Variants in NRG1 observed in about 807,000 individuals in gnomAD.
The protein encoded by NRG1 is pro-neuregulin-1, membrane-bound isoform.
A neutral mutation model predicts 63.8 loss-of-function variants in NRG1; 18 were observed. That is an observed-to-expected ratio of 0.28 (90% CI 0.19 to 0.42). The LOEUF is 0.42. Ranked by LOEUF, NRG1 falls within the 10% of genes least tolerant of loss-of-function variation. The pLI is 1.00. For synonymous variants in NRG1, 302 were observed against 301.3 expected, an observed-to-expected ratio of 1.00 and a Z score of -0.02; for missense variants, 762 against 814.7, an observed-to-expected ratio of 0.94 and a Z score of 0.79.
chr8:32,130,464 G>T (rs1240940276), intron 1 of NRG1, among the ~76,000 whole-genome samples: 1 of 151,714 alleles, frequency 6.6e-6, no homozygotes, highest in Non-Finnish European at 1.5e-5. Flanking sequence ...ACTTACTAAT[G>T]TTCATTGGAA....
chr8:31,748,611 C>G (rs1197578510), intron 1 of NRG1, among the ~76,000 whole-genome samples: 1 of 151,904 alleles, frequency 6.6e-6, no homozygotes, highest in Non-Finnish European at 1.5e-5. Context: ...GACCTAGATA[C>G]AGACAACAGG....
exon 1 of NRG1, chr8:32,548,778 C>G (rs778722814): frequency 6.3e-7 from 1 of 1,589,934 alleles, no homozygotes; most frequent in Non-Finnish European, 8.5e-7. Flanking sequence ...GAAGAAGGAG[C>G]GAGGCTCCGG....
intron 5 of NRG1, among the ~76,000 whole-genome samples, chr8:32,629,175 G>T (rs558808567): frequency 6.6e-6 from 1 of 152,254 alleles, no homozygotes; most frequent in Admixed American, 6.5e-5. Context: ...TATAAAAAAT[G>T]TTCTTTGTCC....
intron 1 of NRG1, among the ~76,000 whole-genome samples, chr8:32,218,123 G>A (rs968318009): frequency 2.0e-5 from 3 of 152,176 alleles, no homozygotes; most frequent in Non-Finnish European, 4.4e-5. Context: ...GATCATGCTT[G>A]AGAAACCTAA....
intron 5 of NRG1, among the ~76,000 whole-genome samples, chr8:32,640,857 A>T (rs368801682): frequency 4.6e-5 from 7 of 151,994 alleles, no homozygotes; most frequent in African/African-American, 1.7e-4. Context: ...GCACTTTGGG[A>T]GGCTGTGGTG....
At chr8:32,160,946 A>G (rs192732317) in intron 1 of NRG1, among the ~76,000 whole-genome samples, 1 of 152,298 alleles carries the variant, frequency 6.6e-6, no homozygotes, top group African/African-American at 2.4e-5. Context: ...TTGAATACCT[A>G]CACTCTACTA....
chr8:32,363,391 T>C (rs748714253), intron 1 of NRG1, among the ~76,000 whole-genome samples: 18 of 152,206 alleles, frequency 1.2e-4, no homozygotes, highest in Non-Finnish European at 2.6e-4. Flanking sequence ...TGATAACTCA[T>C]ACCTGAAGAA....
At chr8:32,101,233 G>A (rs1265224722) in intron 1 of NRG1, among the ~76,000 whole-genome samples, 3 of 152,094 alleles carry the variant, frequency 2.0e-5, no homozygotes, top group Admixed American at 6.6e-5. Context: ...TGGGATGTAA[G>A]TGATTCTGAG....
downstream of NRG1, among the ~76,000 whole-genome samples, chr8:32,771,276 ATTTTTTTTTTTTTTT>A (rs553989637): frequency 3.0e-4 from 28 of 92,754 alleles, 1 homozygote; most frequent in Non-Finnish European, 4.3e-4. Flanking sequence ...ATGCCCAGCG[ATTTTTTTTTTTTTTT>A]TTTTTTTTTT....
Position 32,044,929 on chromosome 8 carries a change from AAAC to A in NRG1, c.37+405500_37+405502del, listed in dbSNP as rs1319010727. 6.3e-5 allele frequency among the ~76,000 whole-genome samples: 9 copies of A among 143,632 alleles called. No individual in the cohort carries two copies. The East Asian group carries it at 1.3e-3, about 20-fold the overall frequency. The allele number at this position is 143,632 out of a possible 152,430, so 94.2% of individuals were successfully genotyped here. ...AAAGAAAAGCAAAAAAAAAAAAAAA[AAAC>A]ACACACACACAAAGCAATCAGAAGT... is the stretch of plus-strand genomic sequence containing the variant. On this transcript the variant is annotated intron_variant, in intron 1 of 10. Transcript: ENST00000519301.
intron 1 of NRG1, among the ~76,000 whole-genome samples, chr8:32,050,303 G>A (rs905291108): frequency 2.0e-5 from 3 of 152,068 alleles, no homozygotes; most frequent in African/African-American, 7.2e-5. Context: ...AGGTAACATC[G>A]TGTCTGACTT....
chr8:32,381,623 T>C (rs1334843088), intron 1 of NRG1, among the ~76,000 whole-genome samples: 1 of 152,180 alleles, frequency 6.6e-6, no homozygotes, highest in Non-Finnish European at 1.5e-5. Context: ...CCTTTTAAAA[T>C]TATATTTAAG....
At position 31,908,466 on chromosome 8, in the gene NRG1, C is replaced by T. The variant is rs972243549; in HGVS notation, c.37+269035C>T. Among the ~76,000 whole-genome samples, 22 of 152,238 alleles carry T rather than the reference C, an allele frequency of 1.4e-4. 1 individual carries two copies. The highest frequency in any genetic ancestry group is 1.0e-3 in the Admixed American group (16 of 15,282). On this transcript the variant is annotated intron_variant, in intron 1 of 10. Coordinates refer to the NRG1 transcript ENST00000519301. ...GTGGTTTGTGGGTAGAAGGGGCCTTCGGGTATGTGCGGCAACCTTGTCACC... is the reference window on the plus strand; with the variant it reads ...GTGGTTTGTGGGTAGAAGGGGCCTTTGGGTATGTGCGGCAACCTTGTCACC...
intron 1 of NRG1, among the ~76,000 whole-genome samples, chr8:32,281,818 C>G (rs1322012437): frequency 6.6e-6 from 1 of 151,864 alleles, no homozygotes; most frequent in Non-Finnish European, 1.5e-5. Flanking sequence ...CCCCCCATCT[C>G]TTTTAAAAAA....
intron 1 of NRG1, among the ~76,000 whole-genome samples, chr8:31,890,182 C>A (rs1831039465): frequency 6.6e-6 from 1 of 152,132 alleles, no homozygotes. Context: ...TTGCAGCATA[C>A]TCTGGAGGAC....
intron 1 of NRG1, among the ~76,000 whole-genome samples, chr8:31,932,050 G>T (rs1834908599): frequency 6.6e-6 from 1 of 152,040 alleles, no homozygotes; most frequent in Non-Finnish European, 1.5e-5. Flanking sequence ...ACCCAAATAG[G>T]TCCTTAAAAA....
intron 1 of NRG1, among the ~76,000 whole-genome samples, chr8:32,476,990 GCAAATGCC>G (rs1477069803): frequency 6.6e-6 from 1 of 152,162 alleles, no homozygotes; most frequent in Non-Finnish European, 1.5e-5. Flanking sequence ...CTGGGAGGCA[GCAAATGCC>G]CAAATGGAAG....
intron 1 of NRG1, among the ~76,000 whole-genome samples, chr8:32,000,269 A>C (rs550200124): frequency 4.3e-4 from 66 of 152,098 alleles, no homozygotes; most frequent in African/African-American, 1.5e-3. Flanking sequence ...GTTTTTGTTT[A>C]CATGTATCCA....
intron 1 of NRG1, among the ~76,000 whole-genome samples, chr8:32,536,873 G>C (rs998654903): frequency 1.5e-5 from 2 of 132,292 alleles, no homozygotes; most frequent in Non-Finnish European, 3.1e-5. Flanking sequence ...GCAGTGAGCG[G>C]AGATGCGCCA....
Sources: allele counts gnomAD v4.1 joint callset (sites outside exome capture counted in the v4.1 genomes callset), GRCh38; gene constraint gnomAD v4.1.1; transcripts MANE v1.5; gene names NCBI Gene and HGNC (gene_info 2026-07-23, HGNC 2026-07-21).